Variants in BANK1 observed in about 807,000 individuals in gnomAD.
The protein encoded by BANK1 is B-cell scaffold protein with ankyrin repeats.
Under a neutral mutation model 94.5 loss-of-function variants are expected in BANK1, and 95 were observed. The observed-to-expected ratio is 1.00, with a 90% confidence interval of 0.85 to 1.19. The LOEUF is 1.19. Among genes scored for constraint, BANK1 ranks in the 50% most tolerant of loss-of-function variants. The pLI is 0.00. For synonymous variants in BANK1, 334 were observed against 308.4 expected (o/e 1.08, Z -0.87); for missense variants, 987 against 932.2 (o/e 1.06, Z -0.77).
In BANK1 at chr4:101,932,636, G is replaced by A. The variant is rs143842038; in HGVS notation, c.1206+14447G>A. On this transcript the variant is annotated intron_variant, in intron 7 of 16. Coordinates refer to ENST00000322953, the MANE Select transcript of BANK1 (RefSeq NM_017935.5). ...ATAGCTGATGTATTATATGCCATCT[G>A]CTAAATGTCTATCTCCTACTTTAAT... Among the ~76,000 whole-genome samples, 575 of 151,496 alleles carry A rather than the reference G, an allele frequency of 3.8e-3. 4 individuals are homozygous for A. The highest frequency in any genetic ancestry group is 0.013 in the African/African-American group (518 of 41,426).
intron 2 of BANK1, among the ~76,000 whole-genome samples, chr4:101,849,921 A>G (rs973249876): frequency 1.3e-5 from 2 of 152,184 alleles, no homozygotes; most frequent in African/African-American, 4.8e-5. Context: ...TGTTTGATAC[A>G]AAATACTATA....
chr4:101,822,828 G>C (rs916099906), intron 1 of BANK1, among the ~76,000 whole-genome samples: 1 of 151,984 alleles, frequency 6.6e-6, no homozygotes, highest in Admixed American at 6.6e-5. Context: ...CGTTAGCCAG[G>C]CTGGTCTCAA....
intron 1 of BANK1, among the ~76,000 whole-genome samples, chr4:101,815,359 G>T (rs1027531927): frequency 2.6e-5 from 4 of 152,098 alleles, no homozygotes; most frequent in Admixed American, 2.0e-4. Context: ...TATAAAAATT[G>T]AGGAGTAAGT....
chr4:101,991,631 A>G (rs55643710), intron 7 of BANK1, among the ~76,000 whole-genome samples: 154 of 152,304 alleles, frequency 1.0e-3, no homozygotes, highest in African/African-American at 3.4e-3. Context: ...AACTGTATCT[A>G]ATTCATACAA....
chr4:101,811,926 A>G (rs1578330673), intron 1 of BANK1, among the ~76,000 whole-genome samples: 1 of 152,134 alleles, frequency 6.6e-6, no homozygotes, highest in South Asian at 2.1e-4. Flanking sequence ...AAGGGCAGGA[A>G]TTGGGCTTTA....
chr4:102,002,824 G>T (rs141349968), intron 7 of BANK1, among the ~76,000 whole-genome samples: 55 of 152,294 alleles, frequency 3.6e-4, no homozygotes, highest in African/African-American at 1.3e-3. Context: ...GGCCATACTA[G>T]AGTGCAGTGG....
At position 101,871,821 on chromosome 4, in the gene BANK1, T is replaced by C. The variant is rs193179914; in HGVS notation, c.903+1177T>C. ...CTATCCAGTCAGTGTAGAAGTAAAG[T>C]AGTCTCCAAACATATTTTCTGTTGG... On this transcript the variant is annotated intron_variant, in intron 5 of 16. Coordinates refer to ENST00000322953, the MANE Select transcript of BANK1 (RefSeq NM_017935.5). Among the ~76,000 whole-genome samples, 50 of 152,248 alleles carry C rather than the reference T, an allele frequency of 3.3e-4. 1 individual carries two copies. The highest frequency in any genetic ancestry group is 1.2e-3 in the African/African-American group (49 of 41,536).
At chr4:101,899,681 A>G (rs964091309) in intron 6 of BANK1, among the ~76,000 whole-genome samples, 4 of 152,174 alleles carry the variant, frequency 2.6e-5, no homozygotes, top group Non-Finnish European at 2.9e-5. Flanking sequence ...GGAGGCTGTG[A>G]GTACAAAACA....
At chr4:102,067,562 G>T (rs1467090819) in intron 13 of BANK1, among the ~76,000 whole-genome samples, 1 of 151,870 alleles carries the variant, frequency 6.6e-6, no homozygotes, top group African/African-American at 2.4e-5. Flanking sequence ...TATTACAAAA[G>T]ATAAACAAGG....
At chr4:101,883,265 C>G (rs1728740173) in intron 5 of BANK1, among the ~76,000 whole-genome samples, 1 of 152,088 alleles carries the variant, frequency 6.6e-6, no homozygotes, top group African/African-American at 2.4e-5. Context: ...TACACTTATG[C>G]ATTTATTAAA....
intron 8 of BANK1, among the ~76,000 whole-genome samples, chr4:102,022,073 T>C (rs956631855): frequency 1.1e-4 from 17 of 152,082 alleles, no homozygotes; most frequent in Admixed American, 1.0e-3. Context: ...TGTATATAAA[T>C]GTATATATAT....
chr4:101,958,057 AG>A (rs35530134), intron 7 of BANK1, among the ~76,000 whole-genome samples: 50,949 of 151,828 alleles, frequency 0.34, 9,709 homozygotes, highest in Non-Finnish European at 0.43. Flanking sequence ...CGTGTTAGCC[AG>A]GATGGTCTCG....
At chr4:102,049,879 C>A (rs1727991795) in intron 11 of BANK1, among the ~76,000 whole-genome samples, 1 of 152,102 alleles carries the variant, frequency 6.6e-6, no homozygotes, top group African/African-American at 2.4e-5. Flanking sequence ...TCTAGGAATG[C>A]TCAACTGGTA....
At chr4:101,905,140 G>C (rs1722406387) in intron 6 of BANK1, among the ~76,000 whole-genome samples, 1 of 152,252 alleles carries the variant, frequency 6.6e-6, no homozygotes, top group Non-Finnish European at 1.5e-5. Context: ...ACAACAATTT[G>C]AATTTCTCCA....
At position 101,878,211 on chromosome 4, in the gene BANK1, G is replaced by T. The variant is rs190722611; in HGVS notation, c.903+7567G>T. 1.0e-3 allele frequency among the ~76,000 whole-genome samples: 158 copies of T among 151,972 alleles called. 1 individual carries two copies. The highest frequency in any genetic ancestry group is 3.7e-3 in the African/African-American group (153 of 41,472). On this transcript the variant is annotated intron_variant, in intron 5 of 16. Transcript: ENST00000322953. ...AGACCTAGTGATCTGTTGACTACAAGAAATGCACTCTATAAAGACACACAT... is the reference window on the plus strand; with the variant it reads ...AGACCTAGTGATCTGTTGACTACAATAAATGCACTCTATAAAGACACACAT...
At chr4:102,022,256 A>G (rs967811188) in intron 8 of BANK1, among the ~76,000 whole-genome samples, 1 of 151,852 alleles carries the variant, frequency 6.6e-6, no homozygotes, top group Non-Finnish European at 1.5e-5. Context: ...CCATTGCCAA[A>G]CCTCTCCACC....
At chr4:102,034,570 A>C (rs984868633) in intron 10 of BANK1, among the ~76,000 whole-genome samples, 1 of 152,182 alleles carries the variant, frequency 6.6e-6, no homozygotes, top group African/African-American at 2.4e-5. Flanking sequence ...TTCTGGTGGA[A>C]TCAGAAGTTA....
intron 5 of BANK1, among the ~76,000 whole-genome samples, chr4:101,885,856 C>G (rs1478390288): frequency 6.6e-6 from 1 of 152,214 alleles, no homozygotes; most frequent in Non-Finnish European, 1.5e-5. Flanking sequence ...TGCTACACAC[C>G]TAGGCCTAGT....
chr4:101,897,401 G>A (rs934017415), intron 6 of BANK1, among the ~76,000 whole-genome samples: 1 of 151,844 alleles, frequency 6.6e-6, no homozygotes, highest in Non-Finnish European at 1.5e-5. Context: ...ACTGCCTCTC[G>A]GTATACTGTT....
Sources: allele counts gnomAD v4.1 joint callset (sites outside exome capture counted in the v4.1 genomes callset), GRCh38; gene constraint gnomAD v4.1.1; transcripts MANE v1.5; gene names NCBI Gene and HGNC (gene_info 2026-07-23, HGNC 2026-07-21).